Variants in KARS1 observed in about 807,000 individuals in gnomAD.
The protein encoded by KARS1 is lysyl-tRNA synthetase 1, also known as lysine--tRNA ligase.
KARS1 carries 50 observed loss-of-function variants against 63.9 expected under a neutral mutation model. That is an observed-to-expected ratio of 0.78 (90% CI 0.62 to 0.99). The LOEUF (loss-of-function observed/expected upper bound fraction) is 0.99, where lower values mean the gene tolerates loss of function less well. KARS1 is among the 50% of genes least tolerant of loss of function. KARS1 has a pLI of 0.00. For missense variants in KARS1, 816 were observed against 754.5 expected, an observed-to-expected ratio of 1.08 and a Z score of -0.95; for synonymous variants, 320 against 264.6, an observed-to-expected ratio of 1.21 and a Z score of -2.03.
chr16:75,643,347 T>G (rs2082245200), intron 1 of KARS1, among the ~76,000 whole-genome samples: 1 of 151,526 alleles, frequency 6.6e-6, no homozygotes, highest in Non-Finnish European at 1.5e-5. Flanking sequence ...AGAATAACTT[T>G]AAAAAATGAA....
intron 1 of KARS1, among the ~76,000 whole-genome samples, chr16:75,643,683 C>T (rs1234493465): frequency 1.3e-5 from 2 of 152,142 alleles, no homozygotes; most frequent in Non-Finnish European, 2.9e-5. Context: ...CTGGCCGAAT[C>T]TTTCATCTTG....
At chr16:75,631,276 A>G (rs1225907182) in intron 9 of KARS1, 23 bp from the exon 10 acceptor site, 6 of 1,607,700 alleles carry the variant, frequency 3.7e-6, no homozygotes, top group Non-Finnish European at 5.1e-6. Flanking sequence ...TGCAAAAGTT[A>G]GGGCAGGAGA....
intron 1 of KARS1, among the ~76,000 whole-genome samples, chr16:75,645,267 G>C (rs544521860): frequency 7.2e-5 from 11 of 152,226 alleles, no homozygotes; most frequent in African/African-American, 2.7e-4. Context: ...GTAAGACAAC[G>C]TGAGTAGTGC....
intron 7 of KARS1, among the ~76,000 whole-genome samples, chr16:75,633,322 GGTCTGCAGGCA>G (rs978433489): frequency 1.3e-5 from 2 of 151,992 alleles, no homozygotes; most frequent in African/African-American, 2.4e-5. Flanking sequence ...TTTAGGTCAG[GGTCTGCAGGCA>G]GACCCCCGCA....
At chr16:75,644,435 G>A (rs1272822984) in intron 1 of KARS1, 3 of 1,608,434 alleles carry the variant, frequency 1.9e-6, no homozygotes, top group Non-Finnish European at 2.5e-6. Context: ...ACATGGCAGA[G>A]CACCCTGGAA....
intron 3 of KARS1, among the ~76,000 whole-genome samples, chr16:75,636,884 C>G (rs1312095945): frequency 2.6e-5 from 4 of 151,810 alleles, no homozygotes; most frequent in Non-Finnish European, 4.4e-5. Context: ...AAGTGATCCA[C>G]CCACCTCAGC....
Position 75,647,602 on chromosome 16 carries a change from C to A in KARS1, c.38G>T (p.Gly13Val). 6.2e-7 allele frequency: 1 copy of A among 1,613,462 alleles called. No homozygotes were observed. The highest frequency in any genetic ancestry group is 8.5e-7 in the Non-Finnish European group (1 of 1,179,832). The change falls in exon 1 of 14, where the codon GGC becomes GTC. Residue 13 changes from glycine (G) to valine (V), a missense_variant. By Grantham distance (109) the Gly-to-Val change is moderately radical (BLOSUM62 -3). Coordinates refer to ENST00000302445, the MANE Select transcript of KARS1 (RefSeq NM_005548.3). ...AVQAAEVKVD[G>V]SEPKLSKNEL... The stretch of plus-strand genomic sequence containing the variant: ...CTTCTTGCTCAGTTTCGGCTCGCTG[C>A]CATCCACTTTCACCTCGGCCGCCTG...
At chr16:75,629,299 G>A in intron 12 of KARS1, 116 bp downstream of exon 12, 1 of 1,323,358 alleles carries the variant, frequency 7.6e-7, no homozygotes, top group Non-Finnish European at 1.1e-6. Flanking sequence ...GCAAGCCTAT[G>A]GCTTTATCTT....
chr16:75,628,901 AG>A, intron 12 of KARS1, 189 bp from the exon 13 acceptor site: 1 of 662,830 alleles, frequency 1.5e-6, no homozygotes. Context: ...CCTGGAGGTC[AG>A]GACTGATGAA....
chr16:75,636,959 T>G (rs994985945), intron 3 of KARS1, among the ~76,000 whole-genome samples: 2 of 137,770 alleles, frequency 1.5e-5, no homozygotes, highest in Non-Finnish European at 3.1e-5. Context: ...TTTTTTTTTT[T>G]GGTCAGGGCA....
chr16:75,645,104 G>A (rs1331329412), intron 1 of KARS1, among the ~76,000 whole-genome samples: 1 of 152,342 alleles, frequency 6.6e-6, no homozygotes, highest in East Asian at 1.9e-4. Context: ...GAGCACATCT[G>A]CTTTTAAACT....
chr16:75,631,083 TC>T, intron 10 of KARS1, 84 bp downstream of exon 10: 1 of 1,020,510 alleles, frequency 9.8e-7, no homozygotes, highest in Non-Finnish European at 1.5e-6. Context: ...AAATGAACTC[TC>T]CCCAGTGGGG....
intron 6 of KARS1, chr16:75,635,314 G>A (rs565680359): frequency 1.6e-4 from 52 of 324,402 alleles, no homozygotes; most frequent in Non-Finnish European, 2.7e-4. Context: ...GAGTGAAAGA[G>A]CACTTTCAGT....
chr16:75,634,003 T>A, intron 7 of KARS1, 170 bp downstream of exon 7: 1 of 759,850 alleles, frequency 1.3e-6, no homozygotes, highest in South Asian at 1.4e-5. Flanking sequence ...CTATTAATCT[T>A]GTAGAGAAAT....
At chr16:75,642,332 A>G (rs2082235677) in intron 1 of KARS1, among the ~76,000 whole-genome samples, 1 of 151,276 alleles carries the variant, frequency 6.6e-6, no homozygotes, top group Non-Finnish European at 1.5e-5. Flanking sequence ...CCTCCTGAGT[A>G]GCTGGGATTA....
chr16:75,635,200 C>T (rs2082149582), intron 6 of KARS1: 2 of 194,610 alleles, frequency 1.0e-5, no homozygotes, highest in Admixed American at 5.3e-5. Flanking sequence ...TACATATGTG[C>T]ACTCCATCTG....
Position 75,635,738 on chromosome 16 carries a change from A to G in KARS1, c.737T>C (p.Ile246Thr). The G allele has an allele frequency of 1.2e-6, 2 of 1,614,146 alleles. No individual in the cohort carries two copies. Among genetic ancestry groups the G allele is most frequent in the South Asian group, 2.2e-5 (2 of 91,082 alleles). The change falls in exon 6 of 14, where the codon ATC becomes ACC. Residue 246 changes from isoleucine to threonine, a missense_variant. By Grantham distance (89) the Ile-to-Thr change is moderately conservative. Transcript: ENST00000302445. The part of the protein sequence containing the change: ...LNDFVRQKFI[I>T]RSKIITYIRS... ...TATATATGTGATGATCTTAGAGCGG[A>G]TGATAAATTTCTGCCTCACAAAGTC...
chr16:75,629,373 T>G, intron 12 of KARS1, 42 bp downstream of exon 12: 4 of 1,612,762 alleles, frequency 2.5e-6, no homozygotes, highest in Non-Finnish European at 3.4e-6. Context: ...TGGTATTTCC[T>G]GGTGAGTTGG....
At chr16:75,636,373 T>A (rs1400489381) in intron 4 of KARS1, 81 bp downstream of exon 4, 9 of 965,334 alleles carry the variant, frequency 9.3e-6, no homozygotes, top group Non-Finnish European at 1.5e-5. Context: ...TAACTTCAAA[T>A]ACCAGTAAGA....
Sources: gnomAD v4.1 joint callset for allele counts (sites outside exome capture counted in the v4.1 genomes callset) on GRCh38, gnomAD v4.1.1 for gene constraint, MANE v1.5 for transcripts, NCBI Gene and HGNC (gene_info 2026-07-23, HGNC 2026-07-21) for gene names.